YTHDC2: variants seen among roughly 807,000 people sequenced by gnomAD.
YTHDC2 encodes the protein 3'-5' RNA helicase YTHDC2.
YTHDC2 carries 45 observed loss-of-function variants against 174.9 expected under a neutral mutation model. The observed-to-expected ratio is 0.26, with a 90% CI of 0.20 to 0.33. The LOEUF (loss-of-function observed/expected upper bound fraction) is 0.33. Ranked by LOEUF, YTHDC2 falls within the 10% of genes least tolerant of loss-of-function variation. The pLI, the probability that YTHDC2 is intolerant of heterozygous loss-of-function variation, is 1.00. For missense variants in YTHDC2, 1,650 were observed against 1,723.7 expected (o/e 0.96, Z 0.76); for synonymous variants, 657 against 574.5 (o/e 1.14, Z -2.05).
At chr5:113,521,193 A>C (rs1020791039) in intron 2 of YTHDC2, among the ~76,000 whole-genome samples, 1 of 152,218 alleles carries the variant, frequency 6.6e-6, no homozygotes, top group Non-Finnish European at 1.5e-5. Flanking sequence ...TATAAGGCAG[A>C]GTCTATTTTA....
chr5:113,567,404 T>TTATATATATATCTATATA (rs1777411784), intron 22 of YTHDC2, 107 bp downstream of exon 22: 1 of 276,052 alleles, frequency 3.6e-6, no homozygotes, highest in African/African-American at 3.8e-5. Context: ...AATTAATTAG[T>TTATATATATATCTATATA]TATATATATA....
intron 2 of YTHDC2, among the ~76,000 whole-genome samples, chr5:113,516,289 T>A (rs1317692360): frequency 1.3e-5 from 2 of 152,248 alleles, no homozygotes; most frequent in Non-Finnish European, 2.9e-5. Flanking sequence ...TTTTCTTTCC[T>A]ACCAAGTCAA....
chr5:113,586,953 TATATAA>T lies in YTHDC2; in HGVS notation c.3825+2480_3825+2485del, dbSNP rs1487669086. Among the ~76,000 whole-genome samples, 661 of 75,836 alleles carry T rather than the reference TATATAA, an allele frequency of 8.7e-3. 11 individuals carry two copies. Among genetic ancestry groups the T allele is most frequent in the African/African-American group, 0.037 (631 of 17,278 alleles). The allele number at this position is 75,836 out of a possible 152,430, so 49.8% of individuals were successfully genotyped here. On this transcript the variant is annotated intron_variant, in intron 26 of 29. Coordinates refer to ENST00000161863, the MANE Select transcript of YTHDC2 (RefSeq NM_022828.5). ...ATATATATTATGTATTCATATATAATATATAAATATATATTATGTATTCATATATAA... is the reference window on the plus strand; with the variant it reads ...ATATATATTATGTATTCATATATAATATATATATTATGTATTCATATATAA...
rs1259494046 is a variant in YTHDC2 at position 113,553,586 on chromosome 5, C to T, written c.1868-4C>T. 2 of 1,611,860 alleles carry T rather than the reference C, an allele frequency of 1.2e-6. No individual in the cohort carries two copies. Among genetic ancestry groups the T allele is most frequent in the South Asian group, 1.1e-5 (1 of 90,660 alleles). On this transcript the variant is annotated splice_region_variant and splice_polypyrimidine_tract_variant and intron_variant, in intron 13 of 29. Coordinates refer to ENST00000161863, the MANE Select transcript of YTHDC2 (RefSeq NM_022828.5). ...TTAATATTAAAAAGTCATTCTTCTC[C>T]AAGGTGCAGTACTAATTTTTCTGCC...
chr5:113,555,686 C>T (rs1453445749), intron 16 of YTHDC2, among the ~76,000 whole-genome samples: 4 of 152,064 alleles, frequency 2.6e-5, no homozygotes, highest in Non-Finnish European at 5.9e-5. Context: ...TCTTATTCTG[C>T]ACAGTGATGC....
intron 17 of YTHDC2, among the ~76,000 whole-genome samples, chr5:113,560,650 T>A (rs1393449276): frequency 6.6e-6 from 1 of 152,232 alleles, no homozygotes; most frequent in African/African-American, 2.4e-5. Context: ...CAAGTCTTTA[T>A]GATGACAGGA....
intron 21 of YTHDC2, among the ~76,000 whole-genome samples, 192 bp from the exon 22 acceptor site, chr5:113,566,900 G>T (rs1210897124): frequency 2.0e-5 from 3 of 152,098 alleles, no homozygotes; most frequent in Non-Finnish European, 4.4e-5. Flanking sequence ...TCCCTAGAAT[G>T]TTGGTTCTGT....
At chr5:113,522,134 G>GTTTTTTTTTTTTTTTTTT (rs371407386) in intron 2 of YTHDC2, among the ~76,000 whole-genome samples, 1 of 106,344 alleles carries the variant, frequency 9.4e-6, no homozygotes. Flanking sequence ...TGTTTTTTTT[G>GTTTTTTTTTTTTTTTTTT]TTTTTTGTTT....
chr5:113,527,048 G>C (rs1011831207), intron 4 of YTHDC2, among the ~76,000 whole-genome samples: 23 of 152,044 alleles, frequency 1.5e-4, no homozygotes, highest in African/African-American at 5.1e-4. Flanking sequence ...TTTAAACAGA[G>C]TTGGGAAACT....
intron 27 of YTHDC2, 35 bp downstream of exon 27, chr5:113,591,279 C>A: frequency 6.2e-7 from 1 of 1,605,098 alleles, no homozygotes; most frequent in South Asian, 1.1e-5. Context: ...TGGGGTTGTT[C>A]TGGCTATAGG....
rs560808281 is a variant in YTHDC2 at position 113,567,575 on chromosome 5, A to T, written c.3049-79A>T. The T allele has an allele frequency of 1.9e-5, 23 of 1,235,516 alleles. No individual in the cohort carries two copies. In the African/African-American group the frequency reaches 2.8e-4, roughly 15 times the overall value. The allele number at this position is 1,235,516 out of a possible 1,614,324, so 76.5% of individuals were successfully genotyped here. On this transcript the variant is annotated intron_variant, in intron 22 of 29. Coordinates refer to ENST00000161863, the MANE Select transcript of YTHDC2 (RefSeq NM_022828.5). ...TATACATCATCTATTTCATTGAGAGACTTTACATTTTAAAAGTATTTCCAA... is the reference window on the plus strand; with the variant it reads ...TATACATCATCTATTTCATTGAGAGTCTTTACATTTTAAAAGTATTTCCAA...
intron 4 of YTHDC2, among the ~76,000 whole-genome samples, chr5:113,528,324 G>A (rs189764592): frequency 6.6e-6 from 1 of 152,180 alleles, no homozygotes; most frequent in Admixed American, 6.5e-5. Context: ...TCAAACCTGA[G>A]AAATAATTTT....
intron 23 of YTHDC2, among the ~76,000 whole-genome samples, chr5:113,573,136 T>A (rs1448452589): frequency 6.6e-6 from 1 of 152,206 alleles, no homozygotes; most frequent in East Asian, 1.9e-4. Context: ...TAGTGCTTCC[T>A]TCAGGAGCTC....
At chr5:113,554,395 A>G (rs1160623169) in intron 16 of YTHDC2, among the ~76,000 whole-genome samples, 1 of 152,046 alleles carries the variant, frequency 6.6e-6, no homozygotes, top group African/African-American at 2.4e-5. Flanking sequence ...CATATTTTTT[A>G]TGTTTTCCTT....
intron 28 of YTHDC2, chr5:113,592,720 G>T (rs138061081): frequency 6.6e-6 from 1 of 152,406 alleles, no homozygotes; most frequent in East Asian, 1.9e-4. Context: ...AAGTGTTTGG[G>T]TTCTTCTTAA....
intron 26 of YTHDC2, among the ~76,000 whole-genome samples, chr5:113,589,734 T>TA (rs1778909369): frequency 6.6e-6 from 1 of 151,818 alleles, no homozygotes; most frequent in Non-Finnish European, 1.5e-5. Flanking sequence ...CCTGTCCCCC[T>TA]AAAAAAAGTT....
chr5:113,571,014 A>G (rs563811602), intron 23 of YTHDC2, among the ~76,000 whole-genome samples: 11 of 152,154 alleles, frequency 7.2e-5, no homozygotes, highest in Non-Finnish European at 1.2e-4. Flanking sequence ...TTCCAATCCT[A>G]TGTTGAATAA....
intron 17 of YTHDC2, among the ~76,000 whole-genome samples, chr5:113,558,128 A>G (rs935029426): frequency 6.6e-6 from 1 of 152,252 alleles, no homozygotes; most frequent in African/African-American, 2.4e-5. Flanking sequence ...ATAACCAGGT[A>G]TACTTATTTG....
chr5:113,516,814 T>C (rs547117275), intron 2 of YTHDC2, among the ~76,000 whole-genome samples: 3 of 152,326 alleles, frequency 2.0e-5, no homozygotes, highest in Admixed American at 6.5e-5. Flanking sequence ...TGAAAGCAGC[T>C]GATGTAGGAA....
Sources: allele counts gnomAD v4.1 joint callset (sites outside exome capture counted in the v4.1 genomes callset), GRCh38; gene constraint gnomAD v4.1.1; transcripts MANE v1.5; gene names NCBI Gene and HGNC (gene_info 2026-07-23, HGNC 2026-07-21).